DSCAML1: variants seen among roughly 807,000 people sequenced by gnomAD.
DSCAML1 encodes the protein cell adhesion molecule DSCAML1.
In DSCAML1, 38 loss-of-function variants were observed where a neutral mutation model predicts 200.5. The ratio of observed to expected loss-of-function variants is 0.19; its 90% CI spans 0.15 to 0.25. DSCAML1 has a LOEUF of 0.25. Among genes scored for constraint, DSCAML1 ranks in the 10% least tolerant of loss-of-function variants. The pLI is 1.00. For synonymous variants in DSCAML1, 1,215 were observed against 1,165.0 expected, an observed-to-expected ratio of 1.04 and a Z score of -0.87; for missense variants, 2,223 against 2,858.8, an observed-to-expected ratio of 0.78 and a Z score of 5.07.
intron 27 of DSCAML1, among the ~76,000 whole-genome samples, chr11:117,434,633 C>A (rs956340889): frequency 6.6e-6 from 1 of 152,098 alleles, no homozygotes; most frequent in African/African-American, 2.4e-5. Context: ...ATTCATTCAG[C>A]CTTTTATTCA....
chr11:117,680,775 G>A (rs1302568923), intron 3 of DSCAML1, among the ~76,000 whole-genome samples: 2 of 152,202 alleles, frequency 1.3e-5, no homozygotes, highest in Non-Finnish European at 2.9e-5. Flanking sequence ...AGGCTCTGAT[G>A]GGTCAAGCAG....
At chr11:117,449,012 T>C (rs1391838385) in intron 20 of DSCAML1, among the ~76,000 whole-genome samples, 1 of 152,178 alleles carries the variant, frequency 6.6e-6, no homozygotes, top group Admixed American at 6.5e-5. Flanking sequence ...TCATAACATA[T>C]GCACACAAAA....
chr11:117,736,275 G>A (rs866789601), intron 3 of DSCAML1, among the ~76,000 whole-genome samples: 3 of 152,266 alleles, frequency 2.0e-5, no homozygotes, highest in East Asian at 1.9e-4. Context: ...TGTCTGCGTC[G>A]GGCCTTGATC....
At chr11:117,672,694 A>G (rs1051775928) in intron 3 of DSCAML1, among the ~76,000 whole-genome samples, 3 of 152,058 alleles carry the variant, frequency 2.0e-5, no homozygotes, top group African/African-American at 4.8e-5. Flanking sequence ...AATACACATC[A>G]CTATCATTCT....
Position 117,486,469 on chromosome 11 carries a change from A to C in DSCAML1, c.2360-4307T>G, listed in dbSNP as rs533087127. 2.2e-4 allele frequency among the ~76,000 whole-genome samples: 11 copies of C among 49,528 alleles called. No homozygotes were observed. In the South Asian group the frequency reaches 6.6e-3, roughly 30 times the overall value. The allele number at this position is 49,528 out of a possible 152,430, so 32.5% of individuals were successfully genotyped here. ...CAGATATGAAAGTAGCGGATGTGAA[A>C]ATGGTGGATGTGAAAATGGTGGATG... On this transcript the variant is annotated intron_variant, in intron 11 of 32. Transcript: ENST00000651296.
At chr11:117,697,736 C>G (rs927459761) in intron 3 of DSCAML1, among the ~76,000 whole-genome samples, 1 of 151,200 alleles carries the variant, frequency 6.6e-6, no homozygotes, top group East Asian at 1.9e-4. Flanking sequence ...ATAATGTCCT[C>G]AAGTTTTATC....
chr11:117,772,935 T>C (rs1225942857), intron 3 of DSCAML1, among the ~76,000 whole-genome samples: 2 of 152,176 alleles, frequency 1.3e-5, no homozygotes, highest in African/African-American at 4.8e-5. Context: ...GATGGAAAGA[T>C]GACCCACTTG....
chr11:117,757,504 T>C (rs1479833059), intron 3 of DSCAML1, among the ~76,000 whole-genome samples: 1 of 151,792 alleles, frequency 6.6e-6, no homozygotes. Flanking sequence ...AAATATTATG[T>C]ACTAATACAA....
intron 3 of DSCAML1, among the ~76,000 whole-genome samples, chr11:117,534,624 T>C (rs2050135140): frequency 6.6e-6 from 1 of 152,196 alleles, no homozygotes; most frequent in African/African-American, 2.4e-5. Flanking sequence ...TTTTATATAT[T>C]TTTTGAGACA....
intron 6 of DSCAML1, among the ~76,000 whole-genome samples, chr11:117,519,722 A>G (rs1268031859): frequency 6.6e-6 from 1 of 152,206 alleles, no homozygotes; most frequent in Non-Finnish European, 1.5e-5. Context: ...TCAGGAGCTG[A>G]GGCAGGAGGA....
intron 7 of DSCAML1, among the ~76,000 whole-genome samples, chr11:117,517,510 G>C (rs182327515): frequency 7.4e-4 from 113 of 152,316 alleles, no homozygotes; most frequent in African/African-American, 2.6e-3. Context: ...AAATCTTCCA[G>C]GGCCCTGCAT....
chr11:117,573,695 C>T (rs548914313), intron 3 of DSCAML1, among the ~76,000 whole-genome samples: 2 of 152,364 alleles, frequency 1.3e-5, no homozygotes, highest in African/African-American at 4.8e-5. Context: ...GCTTCAGCCC[C>T]CCGTGGAACA....
intron 3 of DSCAML1, among the ~76,000 whole-genome samples, chr11:117,545,812 A>G (rs910303770): frequency 5.3e-5 from 8 of 152,222 alleles, no homozygotes; most frequent in African/African-American, 1.4e-4. Context: ...CTGCACCCTC[A>G]ATCAAAGACT....
intron 3 of DSCAML1, among the ~76,000 whole-genome samples, chr11:117,672,776 T>C (rs2053137370): frequency 6.6e-6 from 1 of 152,228 alleles, no homozygotes; most frequent in Non-Finnish European, 1.5e-5. Context: ...CTTGTTAAAC[T>C]GATTCAAAGA....
In DSCAML1 at chr11:117,428,478, C is replaced by G; in HGVS notation, c.6012G>C (p.Pro2004=). 1 of 1,437,274 alleles carries G rather than the reference C, an allele frequency of 7.0e-7. No individual in the cohort carries two copies. The highest frequency in any genetic ancestry group is 1.3e-5 in the South Asian group (1 of 76,620). The allele number at this position is 1,437,274 out of a possible 1,614,324, so 89.0% of individuals were successfully genotyped here. ...EPPTAPSAAP[P]APSTEPPRAG... ...CTCGTGGAGGCTCGGTGCTGGGGGC[C>G]GGAGGGGCAGCGCTGGGGGCGGTGG... Residue 2004 remains proline, a synonymous_variant, in exon 33 of 33, where the codon CCG becomes CCC. Transcript: ENST00000651296.
rs2047931576 is a variant in DSCAML1, at chr11:117,437,037, T to C, written c.4720+85A>G. The C allele has an allele frequency of 1.3e-6, 2 of 1,504,724 alleles. No homozygotes were observed. The highest frequency in any genetic ancestry group is 1.8e-6 in the Non-Finnish European group (2 of 1,121,158). The allele number at this position is 1,504,724 out of a possible 1,614,324, so 93.2% of individuals were successfully genotyped here. A position where few individuals can be genotyped will look rare whatever the true frequency, so the allele number is the denominator to read the frequency against. ...CTGCCTGTTTTTCTATTAGTCTGTC[T>C]CTTTATGTATCTGCCACTCTGCCCA... On this transcript the variant is annotated intron_variant, in intron 26 of 32. Coordinates refer to ENST00000651296, the MANE Select transcript of DSCAML1 (RefSeq NM_020693.4). This position sits in a 1 kb window ranked among gnomAD's most constrained non-coding sequence, Gnocchi z 5.3.
chr11:117,654,447 T>C (rs1345613228), intron 3 of DSCAML1, among the ~76,000 whole-genome samples: 1 of 152,192 alleles, frequency 6.6e-6, no homozygotes, highest in Admixed American at 6.5e-5. Context: ...CTGGGCACAC[T>C]ATCGGTCTGC....
intron 11 of DSCAML1, among the ~76,000 whole-genome samples, chr11:117,483,890 C>T (rs543551037): frequency 1.6e-4 from 25 of 151,914 alleles, no homozygotes; most frequent in Non-Finnish European, 3.4e-4. Flanking sequence ...TCGGAAACCC[C>T]CCACCCCCAT....
At chr11:117,804,529 G>A (rs973855358) in intron 1 of DSCAML1, among the ~76,000 whole-genome samples, 4 of 152,188 alleles carry the variant, frequency 2.6e-5, no homozygotes, top group South Asian at 2.1e-4. Flanking sequence ...AACTGCTACC[G>A]CAGGCCCCCA....
Sources: gnomAD v4.1 joint callset for allele counts (sites outside exome capture counted in the v4.1 genomes callset) on GRCh38, gnomAD v4.1.1 for gene constraint, Gnocchi (gnomAD v3.1) non-coding constraint, MANE v1.5 for transcripts, NCBI Gene and HGNC (gene_info 2026-07-23, HGNC 2026-07-21) for gene names.